ROBO2: variants seen among roughly 807,000 people sequenced by gnomAD.
ROBO2 encodes the protein roundabout guidance receptor 2.
Under a neutral mutation model 160.8 loss-of-function variants are expected in ROBO2, and 53 were observed. The ratio of observed to expected loss-of-function variants is 0.33; its 90% CI spans 0.26 to 0.41. The LOEUF (loss-of-function observed/expected upper bound fraction) is 0.41. Among genes scored for constraint, ROBO2 ranks in the 10% least tolerant of loss-of-function variants. ROBO2 has a pLI of 1.00. For synonymous variants in ROBO2, 664 were observed against 611.7 expected, an observed-to-expected ratio of 1.09 and a Z score of -1.26; for missense variants, 1,577 against 1,722.4, an observed-to-expected ratio of 0.92 and a Z score of 1.49.
At chr3:77,031,039 G>A (rs2063288384) in intron 2 of ROBO2, among the ~76,000 whole-genome samples, 1 of 152,142 alleles carries the variant, frequency 6.6e-6, no homozygotes, top group South Asian at 2.1e-4. Context: ...AGGTACAGCT[G>A]GTAACAAATA....
chr3:77,187,684 T>C (rs1410675893), intron 2 of ROBO2, among the ~76,000 whole-genome samples: 4 of 151,980 alleles, frequency 2.6e-5, no homozygotes, highest in Non-Finnish European at 5.9e-5. Context: ...TTTTGGCACT[T>C]GGAATCTCTC....
intron 2 of ROBO2, among the ~76,000 whole-genome samples, chr3:76,427,198 T>G (rs902845910): frequency 2.6e-5 from 4 of 152,192 alleles, no homozygotes; most frequent in Middle Eastern, 3.4e-3. Flanking sequence ...CTATTTCCAC[T>G]ACTGTGTTCT....
intron 2 of ROBO2, among the ~76,000 whole-genome samples, chr3:77,257,468 C>T (rs1339114391): frequency 2.6e-5 from 4 of 151,958 alleles, no homozygotes; most frequent in Admixed American, 6.6e-5. Flanking sequence ...AATGGGCATG[C>T]GTTATGGACA....
intron 2 of ROBO2, among the ~76,000 whole-genome samples, chr3:76,893,754 A>G (rs375630131): frequency 2.2e-4 from 34 of 152,126 alleles, no homozygotes; most frequent in East Asian, 1.5e-3. Flanking sequence ...CTGTGGAATG[A>G]TAGAACTTAT....
intron 2 of ROBO2, among the ~76,000 whole-genome samples, chr3:76,332,842 G>A (rs780986462): frequency 2.0e-5 from 3 of 152,170 alleles, no homozygotes; most frequent in East Asian, 1.9e-4. Flanking sequence ...AGTAAGTTAT[G>A]TAATAGAATA....
intron 2 of ROBO2, among the ~76,000 whole-genome samples, chr3:76,115,878 C>A (rs996192096): frequency 6.6e-6 from 1 of 152,112 alleles, no homozygotes; most frequent in Non-Finnish European, 1.5e-5. Flanking sequence ...CAATGGATTT[C>A]AAATGTGCTA....
intron 2 of ROBO2, among the ~76,000 whole-genome samples, chr3:76,937,638 C>A (rs1334984345): frequency 6.6e-6 from 1 of 152,042 alleles, no homozygotes; most frequent in East Asian, 1.9e-4. Flanking sequence ...TGGGTCAGTG[C>A]AAAAATAATT....
At chr3:77,449,514 CA>C (rs1176230443) in intron 2 of ROBO2, among the ~76,000 whole-genome samples, 1 of 151,658 alleles carries the variant, frequency 6.6e-6, no homozygotes, top group Admixed American at 6.6e-5. Context: ...GAGTTTCATT[CA>C]AAAAAGGGAA....
intron 2 of ROBO2, among the ~76,000 whole-genome samples, chr3:76,622,008 TC>T (rs2089127690): frequency 6.6e-6 from 1 of 151,934 alleles, no homozygotes; most frequent in Non-Finnish European, 1.5e-5. Context: ...ATTCAAACCA[TC>T]CCTTAGTCTC....
chr3:76,569,613 G>A (rs1234978654), intron 2 of ROBO2, among the ~76,000 whole-genome samples: 1 of 152,140 alleles, frequency 6.6e-6, no homozygotes, highest in Non-Finnish European at 1.5e-5. Context: ...TTAATAAAAT[G>A]TACCTTTGTT....
At chr3:76,067,718 T>C (rs1237450009) in intron 2 of ROBO2, among the ~76,000 whole-genome samples, 1 of 152,184 alleles carries the variant, frequency 6.6e-6, no homozygotes, top group East Asian at 1.9e-4. Context: ...TAGTTACCAA[T>C]ATGAGAAATC....
chr3:76,655,150 T>C (rs1164303802), intron 2 of ROBO2, among the ~76,000 whole-genome samples: 1 of 150,172 alleles, frequency 6.7e-6, no homozygotes, highest in East Asian at 2.0e-4. Flanking sequence ...GAATTTCTCC[T>C]ATTAATATTC....
intron 2 of ROBO2, among the ~76,000 whole-genome samples, chr3:77,388,808 T>C (rs1051210195): frequency 6.6e-6 from 1 of 152,210 alleles, no homozygotes; most frequent in Non-Finnish European, 1.5e-5. Flanking sequence ...ATAAAATCTA[T>C]AAAAAATTTG....
At chr3:76,481,012 A>G (rs1461269880) in intron 2 of ROBO2, among the ~76,000 whole-genome samples, 2 of 152,188 alleles carry the variant, frequency 1.3e-5, no homozygotes, top group Admixed American at 1.3e-4. Context: ...GCCCCAGCCA[A>G]TTCATTTTGT....
In ROBO2 at chr3:77,301,443, C is replaced by CA. The variant is rs1409341119; in HGVS notation, c.389-175970dup. Among the ~76,000 whole-genome samples the CA allele has an allele frequency of 9.9e-5, 15 of 152,200 alleles. No homozygotes were observed. In the East Asian group the frequency reaches 2.7e-3, roughly 27 times the overall value. ...TAACTACTTATATGAAGACTCCAAT[C>CA]ACTTCTGAAATTGCATATGCATGTA... On this transcript the variant is annotated intron_variant, in intron 2 of 25. Coordinates refer to ENST00000461745, the Ensembl canonical transcript of ROBO2.
In ROBO2 at chr3:76,494,011, T is replaced by C. The variant is rs370887448; in HGVS notation, c.109+556409T>C. On this transcript the variant is annotated intron_variant, in intron 2 of 26. Transcript: ENST00000487694. Reference sequence around the variant, plus strand: ...ACTCCCAGGCATGTACCCCAAGCAATTGAAAACAGCTAAAAGGATGATATG... The same window carrying C: ...ACTCCCAGGCATGTACCCCAAGCAACTGAAAACAGCTAAAAGGATGATATG... 7.2e-5 allele frequency among the ~76,000 whole-genome samples: 11 copies of C among 152,230 alleles called. No individual in the cohort carries two copies. In the East Asian group the frequency reaches 1.9e-3, roughly 27 times the overall value.
At chr3:77,158,572 CCT>C (rs145009983) in intron 2 of ROBO2, among the ~76,000 whole-genome samples, 1,984 of 152,134 alleles carry the variant, frequency 0.013, 62 homozygotes, top group African/African-American at 0.045. Context: ...GGGATAAATA[CCT>C]CTCTAGCTCT....
chr3:76,777,335 A>C (rs1350430385), intron 2 of ROBO2, among the ~76,000 whole-genome samples: 2 of 151,018 alleles, frequency 1.3e-5, no homozygotes, highest in Non-Finnish European at 3.0e-5. Context: ...TTTTTTAAGG[A>C]GATATTATGG....
chr3:77,499,689 C>T (rs1011696297), intron 5 of ROBO2, among the ~76,000 whole-genome samples: 2 of 148,364 alleles, frequency 1.3e-5, no homozygotes, highest in African/African-American at 5.0e-5. Context: ...TACTCTGTCA[C>T]CCATGCTGGA....
Sources: gnomAD v4.1 joint callset for allele counts (sites outside exome capture counted in the v4.1 genomes callset) on GRCh38, gnomAD v4.1.1 for gene constraint, MANE v1.5 for transcripts, NCBI Gene and HGNC (gene_info 2026-07-23, HGNC 2026-07-21) for gene names.